The following SF3B6 variants were observed in gnomAD, a reference collection of about 807,000 sequenced individuals.
The protein encoded by SF3B6 is splicing factor 3b subunit 6.
SF3B6 carries 3 observed loss-of-function variants against 15.9 expected under a neutral mutation model. The ratio of observed to expected loss-of-function variants is 0.19; its 90% CI spans 0.09 to 0.49. The LOEUF (loss-of-function observed/expected upper bound fraction) is 0.49, where lower values mean the gene tolerates loss of function less well. Ranked by LOEUF, SF3B6 falls within the 20% of genes least tolerant of loss-of-function variation. SF3B6 has a pLI of 0.97. For synonymous variants in SF3B6, 49 were observed against 51.1 expected (o/e 0.96, Z 0.18); for missense variants, 71 against 154.3 (o/e 0.46, Z 2.86).
chr2:24,074,232 G>T, intron 1 of SF3B6, 38 bp from the exon 2 acceptor site: 2 of 1,113,820 alleles, frequency 1.8e-6, no homozygotes, highest in South Asian at 1.4e-5. Context: ...ATAATTAGGG[G>T]CATTCTAAAA....
At chr2:24,068,685 G>A (rs1021262539) in intron 2 of SF3B6, among the ~76,000 whole-genome samples, 19 of 152,118 alleles carry the variant, frequency 1.2e-4, no homozygotes, top group African/African-American at 4.6e-4. Context: ...TTTGTTCTTC[G>A]TTTTTATCTT....
intron 1 of SF3B6, 48 bp from the exon 2 acceptor site, chr2:24,074,242 A>C (rs748191459): frequency 2.0e-6 from 2 of 995,098 alleles, no homozygotes; most frequent in South Asian, 2.9e-5. Context: ...GCATTCTAAA[A>C]AATTATAATT....
At chr2:24,074,580 T>C (rs1664702418) in intron 1 of SF3B6, among the ~76,000 whole-genome samples, 1 of 151,996 alleles carries the variant, frequency 6.6e-6, no homozygotes, top group Non-Finnish European at 1.5e-5. Flanking sequence ...AACACCTGAG[T>C]TGGGCTGTAC....
chr2:24,075,454 C>T (rs1664724440), intron 1 of SF3B6, among the ~76,000 whole-genome samples: 1 of 148,084 alleles, frequency 6.8e-6, no homozygotes, highest in South Asian at 2.1e-4. Flanking sequence ...GCCTTGAATT[C>T]CTGGGCTCAA....
chr2:24,068,021 G>A (rs1345313935), intron 3 of SF3B6, among the ~76,000 whole-genome samples, 170 bp from the exon 4 acceptor site: 3 of 152,176 alleles, frequency 2.0e-5, no homozygotes, highest in Admixed American at 2.0e-4. Flanking sequence ...GGAGTGCAGT[G>A]GCGTGATCTT....
chr2:24,074,376 A>C (rs148071614), intron 1 of SF3B6, among the ~76,000 whole-genome samples, 182 bp from the exon 2 acceptor site: 165 of 152,290 alleles, frequency 1.1e-3, no homozygotes, highest in African/African-American at 3.4e-3. Context: ...AAAGCAACAG[A>C]GGCTGGGTGC....
chr2:24,076,097 C>A, intron 1 of SF3B6, 103 bp downstream of exon 1: 1 of 1,451,220 alleles, frequency 6.9e-7, no homozygotes, highest in South Asian at 1.1e-5. Flanking sequence ...TTCTGGAGTT[C>A]TCCGCTCTGG....
intron 2 of SF3B6, among the ~76,000 whole-genome samples, chr2:24,070,244 T>C (rs929880979): frequency 1.3e-5 from 2 of 152,204 alleles, no homozygotes; most frequent in Non-Finnish European, 2.9e-5. Context: ...GCTAACATTA[T>C]TTTCTTATTT....
rs200401437 is a variant in SF3B6 at position 24,074,610 on chromosome 2, AG to A, written c.31-417del. Among the ~76,000 whole-genome samples, 18 of 152,302 alleles carry A rather than the reference AG, an allele frequency of 1.2e-4. 1 individual carries two copies. The East Asian group carries it at 3.5e-3, about 29-fold the overall frequency. Reference sequence around the variant, plus strand: ...CTGTACCCTCTTCCCTGCCCATCCCAGGAGATGACCCTGATTCTTGTTTCTT... The same window carrying A: ...CTGTACCCTCTTCCCTGCCCATCCCAGAGATGACCCTGATTCTTGTTTCTT... On this transcript the variant is annotated intron_variant, in intron 1 of 3. Coordinates refer to ENST00000233468, the MANE Select transcript of SF3B6 (RefSeq NM_016047.4).
intron 1 of SF3B6, among the ~76,000 whole-genome samples, chr2:24,075,868 G>C (rs760995103): frequency 6.6e-6 from 1 of 152,070 alleles, no homozygotes; most frequent in Non-Finnish European, 1.5e-5. Context: ...CATTAAGTTA[G>C]TTGAGGACTC....
At chr2:24,072,206 G>A (rs1283132584) in intron 2 of SF3B6, among the ~76,000 whole-genome samples, 1 of 152,040 alleles carries the variant, frequency 6.6e-6, no homozygotes, top group East Asian at 1.9e-4. Context: ...GGGTGGTCTC[G>A]AACTCCTAAC....
At chr2:24,071,539 A>G (rs1400217962) in intron 2 of SF3B6, among the ~76,000 whole-genome samples, 2 of 152,140 alleles carry the variant, frequency 1.3e-5, no homozygotes, top group African/African-American at 4.8e-5. Flanking sequence ...TGGGAGGCGG[A>G]GTTTGCAGTG....
chr2:24,069,865 C>T (rs6714623), intron 2 of SF3B6, among the ~76,000 whole-genome samples: 18,150 of 152,212 alleles, frequency 0.12, 1,267 homozygotes, highest in South Asian at 0.18. Flanking sequence ...CTTTTGACTT[C>T]TAAAAACTTA....
chr2:24,075,885 G>C (rs558525903), intron 1 of SF3B6, among the ~76,000 whole-genome samples: 138 of 152,152 alleles, frequency 9.1e-4, no homozygotes, highest in African/African-American at 2.8e-3. Flanking sequence ...ACTCTTCTGA[G>C]ATATCGACTT....
chr2:24,068,710 T>G (rs974181250), intron 2 of SF3B6, among the ~76,000 whole-genome samples: 1 of 152,240 alleles, frequency 6.6e-6, no homozygotes, highest in Non-Finnish European at 1.5e-5. Flanking sequence ...AAAATATCCA[T>G]AGGTCAAGCT....
Position 24,067,659 on chromosome 2 carries a change from A to G in SF3B6, c.*103T>C, listed in dbSNP as rs1303334241. ...TCAAAGTTTCAAGCAGGTCATTTTG[A>G]ACCTCAAATAAGAAATCACAATATT... On this transcript the variant is annotated 3_prime_UTR_variant, in exon 4 of 4. Transcript: ENST00000233468. 1 of 920,328 alleles carries G rather than the reference A, an allele frequency of 1.1e-6. No individual in the cohort carries two copies. Among genetic ancestry groups the G allele is most frequent in the Non-Finnish European group, 1.7e-6 (1 of 595,186 alleles). The allele number at this position is 920,328 out of a possible 1,614,324, so 57.0% of individuals were successfully genotyped here.
intron 1 of SF3B6, 23 bp from the exon 2 acceptor site, chr2:24,074,217 T>C: frequency 1.6e-6 from 2 of 1,281,598 alleles, no homozygotes; most frequent in East Asian, 2.3e-5. Context: ...ATACGTATTG[T>C]TATTATAATT....
At chr2:24,074,475 T>G (rs977542155) in intron 1 of SF3B6, among the ~76,000 whole-genome samples, 1 of 150,856 alleles carries the variant, frequency 6.6e-6, no homozygotes, top group African/African-American at 2.4e-5. Flanking sequence ...CTGGACAACA[T>G]AGTGAGACCC....
At chr2:24,076,004 A>G (rs1200947559) in intron 1 of SF3B6, among the ~76,000 whole-genome samples, 196 bp downstream of exon 1, 4 of 152,084 alleles carry the variant, frequency 2.6e-5, no homozygotes, top group Non-Finnish European at 5.9e-5. Context: ...GGAACTCTCA[A>G]AAGGGGTGGG....
Sources: allele counts gnomAD v4.1 joint callset (sites outside exome capture counted in the v4.1 genomes callset), GRCh38; gene constraint gnomAD v4.1.1; transcripts MANE v1.5; gene names NCBI Gene and HGNC (gene_info 2026-07-23, HGNC 2026-07-21).